Variants in NRG1 observed in about 807,000 individuals in gnomAD.
The protein encoded by NRG1 is pro-neuregulin-1, membrane-bound isoform.
Under a neutral mutation model 63.8 loss-of-function variants are expected in NRG1, and 18 were observed. The observed-to-expected ratio is 0.28, with a 90% CI of 0.19 to 0.42. The LOEUF (loss-of-function observed/expected upper bound fraction) is 0.42, where lower values mean the gene tolerates loss of function less well. Among genes scored for constraint, NRG1 ranks in the 10% least tolerant of loss-of-function variants. The pLI is 1.00. For synonymous variants in NRG1, 302 were observed against 301.3 expected (o/e 1.00, Z -0.02); for missense variants, 762 against 814.7 (o/e 0.94, Z 0.79).
chr8:32,215,014 G>A (rs1845066903), intron 1 of NRG1, among the ~76,000 whole-genome samples: 1 of 152,186 alleles, frequency 6.6e-6, no homozygotes, highest in Admixed American at 6.5e-5. Context: ...TTAGGACAGG[G>A]TTGCCTGAGG....
chr8:31,968,245 T>G (rs1806692140), intron 1 of NRG1, among the ~76,000 whole-genome samples: 1 of 152,184 alleles, frequency 6.6e-6, no homozygotes, highest in Non-Finnish European at 1.5e-5. Flanking sequence ...ACACTGACAT[T>G]GATTAATCAT....
At chr8:31,940,581 A>G (rs1381019935) in intron 1 of NRG1, among the ~76,000 whole-genome samples, 1 of 152,150 alleles carries the variant, frequency 6.6e-6, no homozygotes, top group African/African-American at 2.4e-5. Context: ...ATTGAAACAA[A>G]CAAAAACAAT....
At chr8:32,271,522 A>T (rs1251552992) in intron 1 of NRG1, among the ~76,000 whole-genome samples, 1 of 152,010 alleles carries the variant, frequency 6.6e-6, no homozygotes, top group Non-Finnish European at 1.5e-5. Context: ...TTTTCAAGTG[A>T]GTTGCTAAGT....
intron 9 of NRG1, among the ~76,000 whole-genome samples, chr8:32,757,287 G>A (rs1456742194): frequency 2.0e-5 from 3 of 151,960 alleles, no homozygotes; most frequent in East Asian, 1.9e-4. Context: ...GGCCAGAGCC[G>A]CACCATCTCT....
intron 5 of NRG1, among the ~76,000 whole-genome samples, chr8:32,705,182 G>T (rs957087728): frequency 4.0e-5 from 6 of 150,782 alleles, no homozygotes; most frequent in South Asian, 2.1e-4. Flanking sequence ...GCCCAGGCTG[G>T]AGTGCAGTGG....
chr8:31,715,150 G>T (rs754793310), intron 1 of NRG1, among the ~76,000 whole-genome samples: 4 of 151,998 alleles, frequency 2.6e-5, no homozygotes, highest in Non-Finnish European at 5.9e-5. Flanking sequence ...TATAATTAGG[G>T]TCATGATAAA....
At chr8:32,383,906 G>A (rs575192807) in intron 1 of NRG1, among the ~76,000 whole-genome samples, 6 of 152,276 alleles carry the variant, frequency 3.9e-5, no homozygotes, top group African/African-American at 1.4e-4. Context: ...CTTTGTCTTA[G>A]CCCACAGGAT....
chr8:32,425,275 G>A (rs920118744), intron 1 of NRG1, among the ~76,000 whole-genome samples: 2 of 152,188 alleles, frequency 1.3e-5, no homozygotes, highest in African/African-American at 4.8e-5. Context: ...GAGAAGTTGG[G>A]ATAATGTCAA....
chr8:32,370,890 A>T (rs1329575114), intron 1 of NRG1, among the ~76,000 whole-genome samples: 2 of 149,560 alleles, frequency 1.3e-5, no homozygotes, highest in Non-Finnish European at 3.0e-5. Context: ...AAAAGACAAC[A>T]ACAACGACAA....
chr8:31,751,722 TAGAGATGGAG>T (rs1211499444), intron 1 of NRG1, among the ~76,000 whole-genome samples: 1 of 151,760 alleles, frequency 6.6e-6, no homozygotes, highest in Non-Finnish European at 1.5e-5. Flanking sequence ...ATGTTTGTGG[TAGAGATGGAG>T]AGAGATAGAG....
intron 1 of NRG1, among the ~76,000 whole-genome samples, chr8:31,732,352 T>C (rs1814175699): frequency 2.0e-5 from 3 of 152,208 alleles, no homozygotes; most frequent in Admixed American, 1.3e-4. Flanking sequence ...TATATACAGC[T>C]TCAATGCCTA....
rs1288241233 is a variant in NRG1 at position 32,504,663 on chromosome 8, G to A, written c.38-91165G>A. On this transcript the variant is annotated intron_variant, in intron 1 of 10. Transcript: ENST00000519301. ...TTTTAAGATTTTAGCCACAGGTCAGGTATAAATATAGAAACACAAAACTCA... is the reference window on the plus strand; with the variant it reads ...TTTTAAGATTTTAGCCACAGGTCAGATATAAATATAGAAACACAAAACTCA... Among the ~76,000 whole-genome samples the A allele has an allele frequency of 3.3e-5, 5 of 152,142 alleles. No individual in the cohort carries two copies. In the East Asian group the frequency reaches 9.6e-4, roughly 29 times the overall value.
chr8:31,960,887 C>T (rs1387018328), intron 1 of NRG1, among the ~76,000 whole-genome samples: 1 of 152,156 alleles, frequency 6.6e-6, no homozygotes, highest in African/African-American at 2.4e-5. Flanking sequence ...TGTTTTCTCA[C>T]CAAGCAGTTA....
intron 1 of NRG1, among the ~76,000 whole-genome samples, chr8:32,028,844 T>C (rs955893598): frequency 6.6e-6 from 1 of 152,176 alleles, no homozygotes; most frequent in Non-Finnish European, 1.5e-5. Context: ...CACTTTCAAT[T>C]GATACATTTA....
At chr8:31,915,822 A>G (rs1443337240) in intron 1 of NRG1, among the ~76,000 whole-genome samples, 1 of 152,118 alleles carries the variant, frequency 6.6e-6, no homozygotes, top group Non-Finnish European at 1.5e-5. Context: ...TACTACATAT[A>G]TTATGTACAA....
chr8:32,105,595 C>G (rs1009771717), intron 1 of NRG1, among the ~76,000 whole-genome samples: 21 of 152,056 alleles, frequency 1.4e-4, no homozygotes, highest in African/African-American at 5.1e-4. Flanking sequence ...CACAGCTAAA[C>G]CATATCAGTG....
At chr8:31,785,952 T>G (rs1820130919) in intron 1 of NRG1, among the ~76,000 whole-genome samples, 2 of 152,174 alleles carry the variant, frequency 1.3e-5, no homozygotes, top group African/African-American at 4.8e-5. Context: ...GCTAATGTTT[T>G]AGATATGAAA....
intron 7 of NRG1, among the ~76,000 whole-genome samples, chr8:32,752,166 C>T (rs1042166153): frequency 5.9e-5 from 9 of 152,180 alleles, no homozygotes; most frequent in Non-Finnish European, 1.3e-4. Flanking sequence ...GCCCAGGGAG[C>T]TGTGCTCTGC....
intron 1 of NRG1, among the ~76,000 whole-genome samples, chr8:32,255,621 C>A (rs897596006): frequency 6.6e-6 from 1 of 152,212 alleles, no homozygotes; most frequent in Non-Finnish European, 1.5e-5. Flanking sequence ...CTTGACCTTT[C>A]TCTCTGGCTG....
Sources: gnomAD v4.1 joint callset for allele counts (sites outside exome capture counted in the v4.1 genomes callset) on GRCh38, gnomAD v4.1.1 for gene constraint, MANE v1.5 for transcripts, NCBI Gene and HGNC (gene_info 2026-07-23, HGNC 2026-07-21) for gene names.